DEPDC5: variants seen among roughly 807,000 people sequenced by gnomAD.
The protein encoded by DEPDC5 is DEP domain containing 5, GATOR1 subcomplex subunit.
Under a neutral mutation model 217.3 loss-of-function variants are expected in DEPDC5, and 73 were observed. That is an observed-to-expected ratio of 0.34 (90% confidence interval 0.28 to 0.41). The LOEUF (loss-of-function observed/expected upper bound fraction) is 0.41, where lower values mean the gene tolerates loss of function less well. DEPDC5 is among the 10% of genes least tolerant of loss of function. The pLI is 1.00. For missense variants in DEPDC5, 1,675 were observed against 2,070.1 expected (o/e 0.81, Z 3.70); for synonymous variants, 733 against 756.7 (o/e 0.97, Z 0.51).
intron 34 of DEPDC5, among the ~76,000 whole-genome samples, chr22:31,872,024 A>G (rs1337401925): frequency 6.6e-6 from 1 of 152,210 alleles, no homozygotes; most frequent in Non-Finnish European, 1.5e-5. Flanking sequence ...ATTCTGAAAC[A>G]CTTCCAGTGA....
intron 24 of DEPDC5, among the ~76,000 whole-genome samples, chr22:31,831,915 T>C (rs2090627842): frequency 6.6e-6 from 1 of 152,230 alleles, no homozygotes; most frequent in Non-Finnish European, 1.5e-5. Flanking sequence ...TCCCTTGTGC[T>C]GTTGCTTTGT....
At chr22:31,818,734 G>C (rs111901534) in intron 21 of DEPDC5, among the ~76,000 whole-genome samples, 3 of 152,292 alleles carry the variant, frequency 2.0e-5, no homozygotes, top group African/African-American at 7.2e-5. Context: ...ATTGCTTCCA[G>C]CTCAAAGTTC....
At chr22:31,849,516 C>G (rs1254795446) in intron 31 of DEPDC5, among the ~76,000 whole-genome samples, 2 of 152,030 alleles carry the variant, frequency 1.3e-5, no homozygotes, top group South Asian at 4.1e-4. Context: ...CATAGTGGCT[C>G]ACACCTGTAA....
intron 7 of DEPDC5, among the ~76,000 whole-genome samples, chr22:31,775,952 A>G (rs55689920): frequency 6.7e-6 from 1 of 150,054 alleles, no homozygotes; most frequent in Admixed American, 6.6e-5. Flanking sequence ...GAGGCAGGAG[A>G]ATCGCTTGAA....
intron 33 of DEPDC5, among the ~76,000 whole-genome samples, chr22:31,870,255 A>G (rs909886582): frequency 6.6e-6 from 1 of 152,034 alleles, no homozygotes; most frequent in East Asian, 1.9e-4. Flanking sequence ...TTTAGTGTAA[A>G]TCGTGTGGTT....
At position 31,879,514 on chromosome 22, in the gene DEPDC5, AC is replaced by A. The variant is rs774724863; in HGVS notation, c.3806-10del. ...GTTGAGTACTCCTTCTCTCCCCTCC[AC>A]TTTTCCCAGTGGCCATGCAGCAGCC... On this transcript the variant is annotated splice_polypyrimidine_tract_variant and intron_variant, in intron 37 of 42. Transcript: ENST00000651528. 1.4e-5 allele frequency: 22 copies of A among 1,606,360 alleles called. No individual in the cohort carries two copies. In the South Asian group the frequency reaches 2.3e-4, roughly 17 times the overall value.
Position 31,837,059 on chromosome 22 carries a change from TC to T in DEPDC5, c.2263del (p.Thr756ProfsTer38). ...AAGTCTCTCACTACTCCGGCGTGCCTCCCCCTTACCACCGACTACTTCCCTG... is the reference window on the plus strand; with the variant it reads ...AAGTCTCTCACTACTCCGGCGTGCCTCCCCTTACCACCGACTACTTCCCTG... ...DWKSLTTPAC[L>X]PLTTDYFPDR... On this transcript the variant is annotated frameshift_variant, in exon 26 of 43. Coordinates refer to ENST00000651528, the MANE Select transcript of DEPDC5 (RefSeq NM_001242896.3). LOFTEE classifies it high-confidence loss of function. The T allele has an allele frequency of 6.2e-7, 1 of 1,614,026 alleles. No homozygotes were observed. The highest frequency in any genetic ancestry group is 8.5e-7 in the Non-Finnish European group (1 of 1,179,986).
chr22:31,754,639 T>C (rs566032902), intron 1 of DEPDC5, among the ~76,000 whole-genome samples: 18 of 152,386 alleles, frequency 1.2e-4, no homozygotes, highest in African/African-American at 4.3e-4. Flanking sequence ...TATCTTCTCC[T>C]AGGTTTGACT....
In DEPDC5 at chr22:31,755,577, C is replaced by CT. The variant is rs979881940; in HGVS notation, c.58+609dup. On this transcript the variant is annotated intron_variant, in intron 2 of 42. Coordinates refer to ENST00000651528, the MANE Select transcript of DEPDC5 (RefSeq NM_001242896.3). The stretch of plus-strand genomic sequence containing the variant: ...TATTTTTTTTCCTTTCTTTTCTTTT[C>CT]TTTTTTTTTTTGGGACACGGTCCCC... 8.2e-4 allele frequency: 118 copies of CT among 144,694 alleles called. 1 individual carries two copies. The highest frequency in any genetic ancestry group is 1.7e-3 in the South Asian group (8 of 4,602). The allele number at this position is 144,694 out of a possible 1,614,324, so 9.0% of individuals were successfully genotyped here.
At chr22:31,781,419 G>T (rs1366131599) in intron 8 of DEPDC5, among the ~76,000 whole-genome samples, 1 of 150,410 alleles carries the variant, frequency 6.6e-6, no homozygotes, top group Non-Finnish European at 1.5e-5. Flanking sequence ...AAAAACATGA[G>T]TTTATTTATT....
At chr22:31,879,930 G>T in intron 38 of DEPDC5, 178 bp downstream of exon 38, 1 of 631,798 alleles carries the variant, frequency 1.6e-6, no homozygotes, top group East Asian at 2.8e-5. Context: ...TTGCCGAGTG[G>T]TTTTATGACT....
intron 30 of DEPDC5, among the ~76,000 whole-genome samples, chr22:31,846,163 C>T (rs2091724954): frequency 1.3e-5 from 2 of 152,124 alleles, no homozygotes; most frequent in African/African-American, 4.8e-5. Flanking sequence ...TCCCTGGCAA[C>T]CACTGGTGTG....
In DEPDC5 at chr22:31,821,516, G is replaced by A; in HGVS notation, c.1885G>A (p.Ala629Thr). The change falls in exon 23 of 43, where the codon GCC becomes ACC. Residue 629 changes from alanine to threonine, a missense_variant. By Grantham distance (58) the Ala-to-Thr change is moderately conservative (BLOSUM62 0). This residue lies in a region of DEPDC5 where 8 missense variants were observed against 28.1 expected (regional missense o/e 0.28). Coordinates refer to ENST00000651528, the MANE Select transcript of DEPDC5 (RefSeq NM_001242896.3). ...TATCTGGGTAGGGCCATCCGGAGAA[G>A]CCATCCAGATCCACCACCAGACCCG... Reference protein sequence around the residue: ...HTFPVGPSGEAIQIHHQTRQN... With the variant: ...HTFPVGPSGETIQIHHQTRQN... The A allele has an allele frequency of 6.2e-7, 1 of 1,614,100 alleles. No individual in the cohort carries two copies.
chr22:31,789,930 A>T (rs2085433068), intron 10 of DEPDC5, among the ~76,000 whole-genome samples: 1 of 152,076 alleles, frequency 6.6e-6, no homozygotes, highest in South Asian at 2.1e-4. Context: ...GTCTCCAAGG[A>T]TTAGTCTCTG....
chr22:31,822,573 T>C, intron 23 of DEPDC5, 120 bp from the exon 24 acceptor site: 1 of 894,704 alleles, frequency 1.1e-6, no homozygotes, highest in East Asian at 2.7e-5. Flanking sequence ...CCAGCTTGAG[T>C]TGGCTGAATA....
At chr22:31,800,177 A>T (rs1173846866) in intron 14 of DEPDC5, among the ~76,000 whole-genome samples, 2 of 152,106 alleles carry the variant, frequency 1.3e-5, no homozygotes, top group African/African-American at 4.8e-5. Flanking sequence ...GGGTCTATTA[A>T]GTCCTGAGTC....
chr22:31,888,246 T>TG (rs1255241647), intron 38 of DEPDC5, among the ~76,000 whole-genome samples: 1 of 137,218 alleles, frequency 7.3e-6, no homozygotes, highest in African/African-American at 2.7e-5. Flanking sequence ...TGTGGTTTTT[T>TG]TTTTTTTTTT....
At chr22:31,901,864 T>C in intron 41 of DEPDC5, 62 bp downstream of exon 41, 1 of 1,521,588 alleles carries the variant, frequency 6.6e-7, no homozygotes, top group Non-Finnish European at 9.0e-7. Context: ...GAATAGCAGT[T>C]ACCAAAGTGA....
intron 36 of DEPDC5, among the ~76,000 whole-genome samples, chr22:31,874,825 C>T (rs2092946406): frequency 6.6e-6 from 1 of 152,164 alleles, no homozygotes; most frequent in African/African-American, 2.4e-5. Flanking sequence ...GAGCTCTTAG[C>T]ACAACAGAAT....
Sources: gnomAD v4.1 joint callset for allele counts (sites outside exome capture counted in the v4.1 genomes callset) on GRCh38, gnomAD v4.1.1 for gene constraint, gnomAD v4.1.1 regional missense constraint, MANE v1.5 for transcripts, NCBI Gene and HGNC (gene_info 2026-07-23, HGNC 2026-07-21) for gene names.